The following LGSN variants were observed in gnomAD, a reference collection of about 807,000 sequenced individuals.
The protein encoded by LGSN is lengsin.
Under a neutral mutation model 19.5 loss-of-function variants are expected in LGSN, and 21 were observed. The observed-to-expected ratio is 1.07, with a 90% CI of 0.76 to 1.55. The LOEUF is 1.55. Ranked by LOEUF, LGSN falls within the 40% of genes most tolerant of loss-of-function variation. The pLI is 0.00. For synonymous variants in LGSN, 257 were observed against 215.6 expected (o/e 1.19, Z -1.68); for missense variants, 673 against 608.5 (o/e 1.11, Z -1.12).
At chr6:63,486,710 A>C in the LGSN span, among the ~76,000 whole-genome samples, 2 of 114,434 alleles carry the variant, frequency 1.7e-5, no homozygotes, top group Admixed American at 2.3e-4. Flanking sequence ...TTTGAGACGG[A>C]GTCTCACTCC....
chr6:63,379,892 T>C, the LGSN span, among the ~76,000 whole-genome samples: 1 of 152,052 alleles, frequency 6.6e-6, no homozygotes, highest in South Asian at 2.1e-4. Flanking sequence ...GGCTGGAGTG[T>C]AATGGTGCAA....
chr6:63,430,264 C>T, the LGSN span, among the ~76,000 whole-genome samples: 1 of 152,182 alleles, frequency 6.6e-6, no homozygotes, highest in African/African-American at 2.4e-5. Context: ...CCTCTCTGGG[C>T]TCTGGTAACA....
At chr6:63,386,857 G>T in the LGSN span, among the ~76,000 whole-genome samples, 1 of 152,114 alleles carries the variant, frequency 6.6e-6, no homozygotes, top group African/African-American at 2.4e-5. Flanking sequence ...TCAATACTTT[G>T]GGAGGCCAAG....
At chr6:63,305,984 T>C (rs1768368941) in intron 1 of LGSN, among the ~76,000 whole-genome samples, 1 of 152,048 alleles carries the variant, frequency 6.6e-6, no homozygotes, top group African/African-American at 2.4e-5. Context: ...TAAGAATCGC[T>C]TAAACCCAGG....
At chr6:63,460,756 C>T in the LGSN span, among the ~76,000 whole-genome samples, 5 of 152,234 alleles carry the variant, frequency 3.3e-5, no homozygotes, top group East Asian at 5.8e-4. Context: ...CCAGCATGCC[C>T]GGTGGAAAAC....
At chr6:63,504,291 G>A in the LGSN span, among the ~76,000 whole-genome samples, 2 of 151,304 alleles carry the variant, frequency 1.3e-5, no homozygotes, top group Non-Finnish European at 2.9e-5. Flanking sequence ...GCCCAGGCTG[G>A]AGTGCAGTGG....
chr6:63,296,603 G>T lies in LGSN; in HGVS notation c.31-1558C>A, dbSNP rs148379964. On this transcript the variant is annotated intron_variant, in intron 1 of 3. Transcript: ENST00000370657. ...ATATGAGCAGACTAAATTTGTCTTA[G>T]CTTGACCCTTTGCTCATATATAATA... Among the ~76,000 whole-genome samples, 772 of 152,024 alleles carry T rather than the reference G, an allele frequency of 5.1e-3. 4 individuals carry two copies. The highest frequency in any genetic ancestry group is 8.6e-3 in the Non-Finnish European group (582 of 67,970).
At chr6:63,420,808 ACTAC>A in the LGSN span, among the ~76,000 whole-genome samples, 1 of 152,240 alleles carries the variant, frequency 6.6e-6, no homozygotes. Flanking sequence ...ACATAATGTA[ACTAC>A]CTAACACAGA....
At chr6:63,412,751 G>GA in the LGSN span, among the ~76,000 whole-genome samples, 3 of 67,120 alleles carry the variant, frequency 4.5e-5, no homozygotes, top group African/African-American at 3.6e-4. Flanking sequence ...AAGAAAGAAA[G>GA]AAAGAAAGAA....
chr6:63,454,253 T>C, the LGSN span, among the ~76,000 whole-genome samples: 13 of 152,180 alleles, frequency 8.5e-5, no homozygotes, highest in Non-Finnish European at 1.9e-4. Context: ...GCATTTTGCA[T>C]GAGGGAAGTT....
chr6:63,322,565 C>T (rs991774607), upstream of LGSN, among the ~76,000 whole-genome samples: 6 of 152,088 alleles, frequency 3.9e-5, no homozygotes, highest in Admixed American at 1.3e-4. Flanking sequence ...ACATACCTAA[C>T]AGGAAGACTA....
At chr6:63,393,726 A>G in the LGSN span, among the ~76,000 whole-genome samples, 1 of 152,152 alleles carries the variant, frequency 6.6e-6, no homozygotes, top group African/African-American at 2.4e-5. Context: ...CTCTCTCAAG[A>G]GGCAGAGCTG....
At chr6:63,441,443 C>G in the LGSN span, 1 of 449,210 alleles carries the variant, frequency 2.2e-6, no homozygotes, top group Non-Finnish European at 4.4e-6. Flanking sequence ...CCCGGCCTGG[C>G]CAAGGTGGCA....
the LGSN span, among the ~76,000 whole-genome samples, chr6:63,405,614 G>C: frequency 6.6e-6 from 1 of 152,162 alleles, no homozygotes; most frequent in African/African-American, 2.4e-5. Context: ...CTTTTGAGAA[G>C]TGTCTGTTCA....
At chr6:63,517,756 A>T in the LGSN span, among the ~76,000 whole-genome samples, 2 of 152,338 alleles carry the variant, frequency 1.3e-5, no homozygotes, top group African/African-American at 4.8e-5. Context: ...AAAATTAAGG[A>T]GCAGCCTTCC....
At chr6:63,471,663 T>G in the LGSN span, among the ~76,000 whole-genome samples, 1 of 129,994 alleles carries the variant, frequency 7.7e-6, no homozygotes, top group Admixed American at 7.4e-5. Context: ...TAAGACTCTG[T>G]CAAAAAAAAA....
At chr6:63,407,615 G>A in the LGSN span, among the ~76,000 whole-genome samples, 19 of 152,228 alleles carry the variant, frequency 1.2e-4, no homozygotes, top group East Asian at 2.3e-3. Context: ...TTTGAAAACC[G>A]GCACAAGACA....
At chr6:63,419,184 A>G in the LGSN span, among the ~76,000 whole-genome samples, 16,517 of 152,098 alleles carry the variant, frequency 0.11, 1,664 homozygotes, top group African/African-American at 0.27. Flanking sequence ...TAGCCAGTCA[A>G]CCTTCTTATT....
At position 63,295,055 on chromosome 6, in the gene LGSN, A is replaced by C. The variant is rs763372854; in HGVS notation, c.31-10T>G. 2 of 1,611,172 alleles carry C rather than the reference A, an allele frequency of 1.2e-6. No individual in the cohort carries two copies. Among genetic ancestry groups the C allele is most frequent in the African/African-American group, 2.7e-5 (2 of 74,788 alleles). On this transcript the variant is annotated splice_polypyrimidine_tract_variant and intron_variant, in intron 1 of 3. Coordinates refer to ENST00000370657, the MANE Select transcript of LGSN (RefSeq NM_016571.3). ...CATCTCTTGTTGAGTCCTGTTGATA[A>C]TTAATAAACAAAAAGCCAAATAACA...
Sources: gnomAD v4.1 joint callset for allele counts (sites outside exome capture counted in the v4.1 genomes callset) on GRCh38, gnomAD v4.1.1 for gene constraint, MANE v1.5 for transcripts, NCBI Gene and HGNC (gene_info 2026-07-23, HGNC 2026-07-21) for gene names.